The following HEATR5A variants were observed in gnomAD, a reference collection of about 807,000 sequenced individuals.
The protein encoded by HEATR5A is HEAT repeat-containing protein 5A.
In HEATR5A, 178 loss-of-function variants were observed where a neutral mutation model predicts 218.8. The ratio of observed to expected loss-of-function variants is 0.81; its 90% CI spans 0.72 to 0.92. HEATR5A has a LOEUF of 0.92. Among genes scored for constraint, HEATR5A ranks in the 40% least tolerant of loss-of-function variants. The pLI, the probability that HEATR5A is intolerant of heterozygous loss-of-function variation, is 0.00. For missense variants in HEATR5A, 2,420 were observed against 2,418.9 expected (o/e 1.00, Z -0.01); for synonymous variants, 864 against 871.6 (o/e 0.99, Z 0.15).
intron 12 of HEATR5A, among the ~76,000 whole-genome samples, chr14:31,372,973 C>G (rs996759218): frequency 7.0e-6 from 1 of 142,246 alleles, no homozygotes; most frequent in African/African-American, 2.5e-5. Context: ...CAGAATCTCA[C>G]TGTTACCCAG....
Position 31,347,924 on chromosome 14 carries a change from A to G in HEATR5A, c.2709-17T>C. 7.0e-7 allele frequency: 1 copy of G among 1,432,600 alleles called. No individual in the cohort carries two copies. Among genetic ancestry groups the G allele is most frequent in the Non-Finnish European group, 9.2e-7 (1 of 1,081,314 alleles). The allele number at this position is 1,432,600 out of a possible 1,614,324, so 88.7% of individuals were successfully genotyped here. ...GATTTCAATCTGTAAATATAAAAAT[A>G]AAAATAAACGGTAATCACTGCAAAA... is the stretch of plus-strand genomic sequence containing the variant. On this transcript the variant is annotated splice_polypyrimidine_tract_variant and intron_variant, in intron 18 of 35. Transcript: ENST00000543095.
chr14:31,372,367 G>A (rs886580994), intron 12 of HEATR5A, among the ~76,000 whole-genome samples: 4 of 152,092 alleles, frequency 2.6e-5, no homozygotes, highest in Non-Finnish European at 5.9e-5. Flanking sequence ...AGAAGAGAAG[G>A]GGTTTCACCA....
chr14:31,329,262 C>A (rs1247028520), intron 22 of HEATR5A, among the ~76,000 whole-genome samples: 1 of 152,194 alleles, frequency 6.6e-6, no homozygotes, highest in Non-Finnish European at 1.5e-5. Flanking sequence ...ATCATGCCTT[C>A]CCAACAGTCT....
At chr14:31,390,385 A>G (rs1477874959) in intron 6 of HEATR5A, among the ~76,000 whole-genome samples, 1 of 152,086 alleles carries the variant, frequency 6.6e-6, no homozygotes, top group Non-Finnish European at 1.5e-5. Context: ...AGCAGGGAAA[A>G]CCATTAGGAA....
rs776151697 is a variant in HEATR5A at position 31,347,759 on chromosome 14, G to A, written c.2857C>T (p.Pro953Ser). The change falls in exon 19 of 36, where the codon CCT becomes TCT. Residue 953 changes from proline (P) to serine (S), a missense_variant. Coordinates refer to ENST00000543095, the MANE Select transcript of HEATR5A (RefSeq NM_015473.4). Reference protein sequence around the residue: ...LYTLAQDSTSPDVQTWALHSL... With the variant: ...LYTLAQDSTSSDVQTWALHSL... ...CATGAGGTACCCACCTGCACATCAG[G>A]AGAAGTGCTGTCCTGCGCCAAAGTA... 1.9e-6 allele frequency: 3 copies of A among 1,595,700 alleles called. No individual in the cohort carries two copies. The highest frequency in any genetic ancestry group is 2.3e-5 in the South Asian group (2 of 86,348).
intron 22 of HEATR5A, among the ~76,000 whole-genome samples, chr14:31,336,213 CATACATATATATATAT>C (rs1320561720): frequency 0.041 from 3,706 of 90,698 alleles, 200 homozygotes; most frequent in Middle Eastern, 0.072. Flanking sequence ...TATATACATA[CATACATATATATATAT>C]ATATATATAT....
At chr14:31,339,308 G>C (rs897219290) in intron 21 of HEATR5A, among the ~76,000 whole-genome samples, 9 of 151,138 alleles carry the variant, frequency 6.0e-5, no homozygotes, top group African/African-American at 2.2e-4. Flanking sequence ...AAATTAGCTG[G>C]GCGTGGTGGC....
intron 10 of HEATR5A, 101 bp from the exon 11 acceptor site, chr14:31,380,679 A>G: frequency 1.4e-6 from 1 of 726,782 alleles, no homozygotes; most frequent in Non-Finnish European, 2.3e-6. Context: ...CTTACATAAA[A>G]TAAATGTAAA....
At chr14:31,403,096 A>G in intron 1 of HEATR5A, 47 bp from the exon 2 acceptor site, 1 of 860,790 alleles carries the variant, frequency 1.2e-6, no homozygotes, top group Non-Finnish European at 1.7e-6. Context: ...GTAAAAAGGA[A>G]GGCAATCATA....
At chr14:31,305,927 T>C (rs1899542131) in intron 31 of HEATR5A, among the ~76,000 whole-genome samples, 2 of 152,206 alleles carry the variant, frequency 1.3e-5, no homozygotes, top group African/African-American at 4.8e-5. Context: ...CACTGTTATA[T>C]TGGGTTTTCT....
At chr14:31,344,265 A>ATTTTTTTTTT (rs1245011736) in intron 20 of HEATR5A, among the ~76,000 whole-genome samples, 200 bp from the exon 21 acceptor site, 22 of 54,920 alleles carry the variant, frequency 4.0e-4, no homozygotes, top group Non-Finnish European at 7.9e-4. Context: ...TAGATTAGTT[A>ATTTTTTTTTT]TTCTTTTTTT....
intron 33 of HEATR5A, 181 bp downstream of exon 33, chr14:31,302,114 G>A (rs1030040953): frequency 1.8e-6 from 1 of 562,900 alleles, no homozygotes; most frequent in African/African-American, 1.9e-5. Context: ...TTACAGGTGT[G>A]AGCCACTGCA....
chr14:31,315,693 C>A, intron 27 of HEATR5A, 77 bp downstream of exon 27: 2 of 1,035,426 alleles, frequency 1.9e-6, no homozygotes, highest in Non-Finnish European at 2.8e-6. Context: ...TCATTTTAAA[C>A]AGTAAATTTC....
chr14:31,338,595 T>G (rs111910601), intron 21 of HEATR5A, among the ~76,000 whole-genome samples: 1 of 152,176 alleles, frequency 6.6e-6, no homozygotes, highest in Non-Finnish European at 1.5e-5. Context: ...GATTTTAAAT[T>G]TTGTACTATG....
chr14:31,304,769 T>G (rs1308962535), intron 32 of HEATR5A, 136 bp downstream of exon 32: 13 of 869,308 alleles, frequency 1.5e-5, no homozygotes, highest in Admixed American at 2.9e-5. Context: ...ATCCTAATCT[T>G]AGAGGATTAA....
rs746992299 is a variant in HEATR5A at position 31,380,461 on chromosome 14, T to C, written c.1708+6A>G. 2.5e-6 allele frequency: 4 copies of C among 1,570,682 alleles called. No homozygotes were observed. The South Asian group carries it at 3.4e-5, about 14-fold the overall frequency. On this transcript the variant is annotated splice_donor_region_variant and intron_variant, in intron 11 of 35. Coordinates refer to ENST00000543095, the MANE Select transcript of HEATR5A (RefSeq NM_015473.4). ...CAAGGTATGTAAACCTTCTACAGAC[T>C]GTTACCTAATGTCATCAGAGCAGAA...
In HEATR5A at chr14:31,400,531, CAA is replaced by C; in HGVS notation, c.127-21_127-20del. ...CATCATTCTAGAAAGAAAGATAACACAAAGACAATTCAAAGTCAATATAATTA... is the reference window on the plus strand; with the variant it reads ...CATCATTCTAGAAAGAAAGATAACACAGACAATTCAAAGTCAATATAATTA... On this transcript the variant is annotated intron_variant, in intron 2 of 35. Coordinates refer to ENST00000543095, the MANE Select transcript of HEATR5A (RefSeq NM_015473.4). The C allele has an allele frequency of 6.9e-7, 1 of 1,447,596 alleles. No individual in the cohort carries two copies. Among genetic ancestry groups the C allele is most frequent in the African/African-American group, 1.4e-5 (1 of 70,894 alleles). The allele number at this position is 1,447,596 out of a possible 1,614,324, so 89.7% of individuals were successfully genotyped here.
At position 31,364,360 on chromosome 14, in the gene HEATR5A, G is replaced by C; in HGVS notation, c.1962-62C>G. ...AGTTATATAACAATATACAAAAATT[G>C]ACAGCTTAATATCTTAACATATAAA... is the stretch of plus-strand genomic sequence containing the variant. On this transcript the variant is annotated intron_variant, in intron 13 of 35. Transcript: ENST00000543095. 4 of 752,700 alleles carry C rather than the reference G, an allele frequency of 5.3e-6. No individual in the cohort carries two copies. The South Asian group carries it at 7.6e-5, about 14-fold the overall frequency. 46.6% of individuals were successfully genotyped at this position (752,700 alleles called of 1,614,324 possible).
At position 31,318,254 on chromosome 14, in the gene HEATR5A, T is replaced by C. The variant is rs2139159392; in HGVS notation, c.4008A>G (p.Thr1336=). ...AALRPAFTSE[T]PPDVTAKACQ... ...ATGCTTTGGCAGTGACATCAGGTGG[T>C]GTCTCTGAAGTGAAGGCTGGTCTAA... The change falls in exon 26 of 36, where the codon ACA becomes ACG. Residue 1336 remains threonine (T), a synonymous_variant. Transcript: ENST00000543095. 1 of 1,613,894 alleles carries C rather than the reference T, an allele frequency of 6.2e-7. No homozygotes were observed. The highest frequency in any genetic ancestry group is 2.2e-5 in the East Asian group (1 of 44,886).
Sources: gnomAD v4.1 joint callset for allele counts (sites outside exome capture counted in the v4.1 genomes callset) on GRCh38, gnomAD v4.1.1 for gene constraint, MANE v1.5 for transcripts, NCBI Gene and HGNC (gene_info 2026-07-23, HGNC 2026-07-21) for gene names.